LRRIQ1: variants seen among roughly 807,000 people sequenced by gnomAD.
The protein encoded by LRRIQ1 is leucine rich repeats and IQ motif containing 1.
In LRRIQ1, 210 loss-of-function variants were observed where a neutral mutation model predicts 211.9. The observed-to-expected ratio is 0.99, with a 90% CI of 0.89 to 1.11. LRRIQ1 has a LOEUF of 1.11. LRRIQ1 is among the 50% of genes most tolerant of loss of function. LRRIQ1 has a pLI of 0.00. For synonymous variants in LRRIQ1, 699 were observed against 650.1 expected, an observed-to-expected ratio of 1.08 and a Z score of -1.14; for missense variants, 2,136 against 1,939.5, an observed-to-expected ratio of 1.10 and a Z score of -1.90.
chr12:85,148,892 A>G (rs1286167388), intron 19 of LRRIQ1, among the ~76,000 whole-genome samples: 1 of 151,886 alleles, frequency 6.6e-6, no homozygotes, highest in Non-Finnish European at 1.5e-5. Context: ...GCATTTCTCT[A>G]ATGATCGGTA....
chr12:85,173,428 A>C (rs1335215182), intron 24 of LRRIQ1, among the ~76,000 whole-genome samples: 2 of 152,188 alleles, frequency 1.3e-5, no homozygotes, highest in African/African-American at 4.8e-5. Flanking sequence ...GCCTTAGAGA[A>C]CAGAAATTTA....
intron 1 of LRRIQ1, among the ~76,000 whole-genome samples, chr12:85,253,809 C>G (rs1322709241): frequency 6.6e-6 from 1 of 152,006 alleles, no homozygotes; most frequent in African/African-American, 2.4e-5. Context: ...ATATACTAAT[C>G]ACTGATGCTT....
chr12:85,069,161 A>G (rs1046131710), intron 10 of LRRIQ1, among the ~76,000 whole-genome samples: 3 of 143,858 alleles, frequency 2.1e-5, no homozygotes, highest in South Asian at 2.2e-4. Context: ...TCATTGTTCA[A>G]TTCCCACCTG....
chr12:85,200,300 A>G (rs1893225987), intron 24 of LRRIQ1, among the ~76,000 whole-genome samples: 1 of 152,066 alleles, frequency 6.6e-6, no homozygotes, highest in Non-Finnish European at 1.5e-5. Context: ...ATGCTACTGA[A>G]TTTTGTACAT....
Position 85,121,838 on chromosome 12 carries a change from A to T in LRRIQ1, c.3519A>T (p.Glu1173Asp), listed in dbSNP as rs1479107190. The T allele has an allele frequency of 6.2e-7, 1 of 1,607,844 alleles. No individual in the cohort carries two copies. Among genetic ancestry groups the T allele is most frequent in the Admixed American group, 1.7e-5 (1 of 58,742 alleles). ...CACTTTGTCAGTCTCAGATTCGAGAATTCAACTTGCTAATTGAAAATTATA... is the reference window on the plus strand; with the variant it reads ...CACTTTGTCAGTCTCAGATTCGAGATTTCAACTTGCTAATTGAAAATTATA... The part of the protein sequence containing the change: ...FLALCQSQIR[E>D]FNLLIENYIT... Residue 1173 changes from glutamate to aspartate, a missense_variant, in exon 16 of 27, where the codon GAA (glutamate) becomes GAT (aspartate). Physicochemically the swap from Glu to Asp is conservative, Grantham distance 45 (BLOSUM62 2). Transcript: ENST00000393217.
intron 22 of LRRIQ1, 50 bp from the exon 23 acceptor site, chr12:85,153,962 A>G (rs1471247970): frequency 7.9e-7 from 1 of 1,260,766 alleles, no homozygotes. Flanking sequence ...GCATATCTAA[A>G]TATGATCCGG....
rs756326347 is a variant in LRRIQ1 at position 85,055,705 on chromosome 12, C to T, written c.912C>T (p.Gly304=). Residue 304 remains glycine, a synonymous_variant, in exon 8 of 27, where the codon GGC becomes GGT. Transcript: ENST00000393217. ...YKAFVAYQKY[G]PIIKEQIESK... is the part of the protein sequence containing the mutation. ...CATTTGTTGCCTATCAAAAATATGG[C>T]CCAATTATTAAAGAGCAAATTGAAA... 10 of 1,607,226 alleles carry T rather than the reference C, an allele frequency of 6.2e-6. No individual in the cohort carries two copies. In the East Asian group the frequency reaches 2.2e-4, roughly 36 times the overall value.
At chr12:85,066,638 A>T (rs1342240488) in intron 9 of LRRIQ1, 110 bp from the exon 10 acceptor site, 3 of 712,078 alleles carry the variant, frequency 4.2e-6, no homozygotes, top group Admixed American at 3.6e-5. Flanking sequence ...AAAGATTCAG[A>T]TATTAATTTG....
At chr12:85,163,090 T>C (rs1204890305) in intron 24 of LRRIQ1, among the ~76,000 whole-genome samples, 2 of 152,192 alleles carry the variant, frequency 1.3e-5, no homozygotes, top group African/African-American at 4.8e-5. Flanking sequence ...ATCACAGATA[T>C]TTCCTGATGC....
rs147120373 is a variant in LRRIQ1, at chr12:85,040,419, G to GT, written c.133-71_133-70insT. On this transcript the variant is annotated intron_variant, in intron 2 of 26. Coordinates refer to ENST00000393217, the MANE Select transcript of LRRIQ1 (RefSeq NM_001079910.2). ...GGTCACATTTTTGCTGTGGAATGAAGGGTCCAAAATTTGACACATAATTTT... is the reference window on the plus strand; with the variant it reads ...GGTCACATTTTTGCTGTGGAATGAAGTGGTCCAAAATTTGACACATAATTTT... The GT allele has an allele frequency of 0.016, 13,356 of 822,494 alleles. 705 individuals are homozygous for GT. In the East Asian group the frequency reaches 0.17, roughly 11 times the overall value. The allele number at this position is 822,494 out of a possible 1,614,324, so 50.9% of individuals were successfully genotyped here. A position where few individuals can be genotyped will look rare whatever the true frequency, so the allele number is the denominator to read the frequency against.
intron 11 of LRRIQ1, among the ~76,000 whole-genome samples, chr12:85,079,884 C>T (rs1241332197): frequency 2.4e-4 from 37 of 151,944 alleles, no homozygotes; most frequent in Admixed American, 2.4e-3. Flanking sequence ...GAAAAGATGA[C>T]TATACCAATG....
In LRRIQ1 at chr12:85,157,100, G is replaced by A. The variant is rs540924979; in HGVS notation, c.4720+3006G>A. Among the ~76,000 whole-genome samples the A allele has an allele frequency of 5.3e-5, 8 of 151,924 alleles. No individual in the cohort carries two copies. In the South Asian group the frequency reaches 1.2e-3, roughly 24 times the overall value. The stretch of plus-strand genomic sequence containing the variant: ...AAATGAAAATACAGCAAAAAGCAGA[G>A]GGTCAATTAATTTAAGAAAGTAGAA... On this transcript the variant is annotated intron_variant, in intron 23 of 26. Coordinates refer to ENST00000393217, the MANE Select transcript of LRRIQ1 (RefSeq NM_001079910.2).
chr12:85,204,237 C>T (rs1490944864), intron 24 of LRRIQ1, among the ~76,000 whole-genome samples: 3 of 152,174 alleles, frequency 2.0e-5, no homozygotes, highest in Non-Finnish European at 4.4e-5. Context: ...GAACCTCTGC[C>T]TAGATTTCAG....
Position 85,052,191 on chromosome 12 carries a change from GATGA to G in LRRIQ1, c.698_701del (p.Asn233MetfsTer47). The G allele has an allele frequency of 6.5e-7, 1 of 1,538,256 alleles. No individual in the cohort carries two copies. The highest frequency in any genetic ancestry group is 1.7e-4 in the Middle Eastern group (1 of 5,850). On this transcript the variant is annotated frameshift_variant, in exon 7 of 27. Transcript: ENST00000393217. LOFTEE classifies it high-confidence loss of function. ...CATATGTTCAGCAAGAACAGGACAA[GATGA>G]ATGATGAACTCTATAAAGAAGAGAA...
At chr12:85,140,484 TA>T (rs1889461834) in intron 19 of LRRIQ1, among the ~76,000 whole-genome samples, 1 of 151,390 alleles carries the variant, frequency 6.6e-6, no homozygotes, top group South Asian at 2.1e-4. Context: ...TTAATTTTAA[TA>T]GATTATCTGT....
intron 11 of LRRIQ1, among the ~76,000 whole-genome samples, chr12:85,094,286 G>A (rs1407663723): frequency 2.0e-5 from 3 of 151,942 alleles, no homozygotes; most frequent in Non-Finnish European, 2.9e-5. Context: ...GCAAGCTCAG[G>A]GCTCCCACTG....
At chr12:85,212,706 T>C (rs1893892617) in intron 24 of LRRIQ1, among the ~76,000 whole-genome samples, 1 of 150,208 alleles carries the variant, frequency 6.7e-6, no homozygotes, top group Non-Finnish European at 1.5e-5. Context: ...TGTATGTATA[T>C]GTATATATAT....
intron 16 of LRRIQ1, among the ~76,000 whole-genome samples, chr12:85,122,981 G>A (rs1431683142): frequency 6.6e-6 from 1 of 151,870 alleles, no homozygotes; most frequent in East Asian, 1.9e-4. Context: ...AAGACTATAG[G>A]AAGAAAGAAA....
intron 18 of LRRIQ1, among the ~76,000 whole-genome samples, chr12:85,134,674 A>G (rs1180849917): frequency 7.9e-5 from 12 of 152,098 alleles, no homozygotes; most frequent in Admixed American, 7.9e-4. Flanking sequence ...AGCTTGTAAG[A>G]TCACGTGAAG....
Sources: gnomAD v4.1 joint callset for allele counts (sites outside exome capture counted in the v4.1 genomes callset) on GRCh38, gnomAD v4.1.1 for gene constraint, MANE v1.5 for transcripts, NCBI Gene and HGNC (gene_info 2026-07-23, HGNC 2026-07-21) for gene names.